Variants in SEMA4D observed in about 807,000 individuals in gnomAD.
The protein encoded by SEMA4D is semaphorin-4D.
Under a neutral mutation model 74.8 loss-of-function variants are expected in SEMA4D, and 22 were observed. The observed-to-expected ratio is 0.29, with a 90% CI of 0.21 to 0.42. The LOEUF (loss-of-function observed/expected upper bound fraction) is 0.42. SEMA4D is among the 10% of genes least tolerant of loss of function. The probability of loss-of-function intolerance (pLI) is 1.00; values close to 1 mark genes in which losing one functional copy is unlikely to be tolerated. For missense variants in SEMA4D, 937 were observed against 1,118.4 expected, an observed-to-expected ratio of 0.84 and a Z score of 2.31; for synonymous variants, 445 against 463.7, an observed-to-expected ratio of 0.96 and a Z score of 0.52.
At chr9:89,398,276 G>C (rs907344146) in intron 5 of SEMA4D, among the ~76,000 whole-genome samples, 2 of 152,130 alleles carry the variant, frequency 1.3e-5, no homozygotes, top group Non-Finnish European at 2.9e-5. Flanking sequence ...GAAGGTGCTG[G>C]ACTAGAGAGA....
chr9:89,388,110 GC>G (rs1281234882), intron 11 of SEMA4D, among the ~76,000 whole-genome samples: 1 of 152,246 alleles, frequency 6.6e-6, no homozygotes, highest in African/African-American at 2.4e-5. Flanking sequence ...GTCAGGGACA[GC>G]TGCCCTTGGG....
exon 19 of SEMA4D, chr9:89,361,031 A>G (rs1832720772): frequency 6.6e-6 from 1 of 152,230 alleles, no homozygotes; most frequent in South Asian, 2.1e-4. Flanking sequence ...GGTTGAAGCC[A>G]CACCCAAAGC....
chr9:89,413,020 G>A (rs1000248106), intron 2 of SEMA4D, among the ~76,000 whole-genome samples: 1 of 152,186 alleles, frequency 6.6e-6, no homozygotes, highest in African/African-American at 2.4e-5. Flanking sequence ...AACAAAAGGA[G>A]AAAAAGGCCA....
chr9:89,362,864 G>A (rs1402385898), intron 18 of SEMA4D, among the ~76,000 whole-genome samples: 2 of 152,186 alleles, frequency 1.3e-5, no homozygotes, highest in African/African-American at 4.8e-5. Flanking sequence ...CTTCTGTATC[G>A]GCTATTTAGG....
At chr9:89,392,146 C>T (rs928662735) in intron 8 of SEMA4D, among the ~76,000 whole-genome samples, 2 of 152,212 alleles carry the variant, frequency 1.3e-5, no homozygotes, top group Non-Finnish European at 2.9e-5. Flanking sequence ...TTACCATCTA[C>T]TATCAGATTC....
At chr9:89,391,232 G>T in intron 9 of SEMA4D, 32 bp downstream of exon 9, 1 of 1,605,982 alleles carries the variant, frequency 6.2e-7, no homozygotes, top group Non-Finnish European at 8.5e-7. Context: ...CCATGGCAGG[G>T]GCCAAGCGAA....
intron 16 of SEMA4D, among the ~76,000 whole-genome samples, chr9:89,370,232 G>A (rs925362686): frequency 6.6e-6 from 1 of 150,634 alleles, no homozygotes; most frequent in Non-Finnish European, 1.5e-5. Flanking sequence ...TTTGTGCTGT[G>A]CATTTATTGT....
chr9:89,363,714 G>A (rs775993112), intron 17 of SEMA4D: 4 of 1,606,618 alleles, frequency 2.5e-6, no homozygotes, highest in South Asian at 2.2e-5. Flanking sequence ...TCATAAAAGG[G>A]TAACAGTGGG....
At chr9:89,369,850 C>T (rs1834261646) in intron 16 of SEMA4D, among the ~76,000 whole-genome samples, 2 of 151,226 alleles carry the variant, frequency 1.3e-5, no homozygotes, top group South Asian at 2.1e-4. Flanking sequence ...TGAGTTGAAA[C>T]GATCCTAAGT....
downstream of SEMA4D, among the ~76,000 whole-genome samples, chr9:89,374,871 G>A (rs1835568693): frequency 6.6e-6 from 1 of 152,152 alleles, no homozygotes; most frequent in Non-Finnish European, 1.5e-5. Flanking sequence ...TGGCCAAGAT[G>A]GCGAAACCCT....
downstream of SEMA4D, among the ~76,000 whole-genome samples, chr9:89,375,694 C>A (rs141172210): frequency 1.6e-3 from 243 of 152,360 alleles, 2 homozygotes; most frequent in African/African-American, 5.4e-3. Context: ...AACACAGGGG[C>A]CACCAGGGCT....
chr9:89,433,898 C>T (rs998120743), intron 2 of SEMA4D, among the ~76,000 whole-genome samples: 2 of 152,202 alleles, frequency 1.3e-5, no homozygotes, highest in African/African-American at 4.8e-5. Flanking sequence ...GCAGCTCCAG[C>T]CAGAGCGCCA....
At chr9:89,436,850 C>A (rs570302545) in intron 2 of SEMA4D, among the ~76,000 whole-genome samples, 111 of 152,346 alleles carry the variant, frequency 7.3e-4, no homozygotes, top group Non-Finnish European at 1.1e-3. Context: ...GCAGGCCTGG[C>A]CACTACTTCA....
At chr9:89,433,780 T>C (rs1022503859) in intron 2 of SEMA4D, among the ~76,000 whole-genome samples, 2 of 152,186 alleles carry the variant, frequency 1.3e-5, no homozygotes, top group South Asian at 2.1e-4. Flanking sequence ...CACAAGAGCA[T>C]GGCCCTAGGT....
At chr9:89,397,203 T>C (rs1479263998) in intron 5 of SEMA4D, among the ~76,000 whole-genome samples, 1 of 152,162 alleles carries the variant, frequency 6.6e-6, no homozygotes, top group African/African-American at 2.4e-5. Flanking sequence ...AGCAAAGATG[T>C]GGTGACTGAA....
At chr9:89,438,526 G>A (rs980684647) in intron 2 of SEMA4D, among the ~76,000 whole-genome samples, 27 of 152,326 alleles carry the variant, frequency 1.8e-4, no homozygotes, top group Middle Eastern at 6.8e-3. Context: ...TGAAAGCTAT[G>A]CCAGTCAAAC....
At chr9:89,407,703 A>G (rs1843612101) in intron 2 of SEMA4D, among the ~76,000 whole-genome samples, 1 of 152,042 alleles carries the variant, frequency 6.6e-6, no homozygotes, top group Admixed American at 6.5e-5. Flanking sequence ...GCCATGGACA[A>G]CCCTACTCTA....
At chr9:89,467,531 A>T (rs28414870) in intron 1 of SEMA4D, among the ~76,000 whole-genome samples, 18,239 of 128,256 alleles carry the variant, frequency 0.14, 1,264 homozygotes, top group Middle Eastern at 0.23. Context: ...GGAGCGCATG[A>T]TTTTTTTTTT....
At chr9:89,388,503 G>A (rs931718083) in intron 11 of SEMA4D, 133 bp downstream of exon 11, 17 of 1,067,998 alleles carry the variant, frequency 1.6e-5, no homozygotes, top group Middle Eastern at 3.1e-4. Context: ...CTCATCGGCC[G>A]TCCCTGTCCC....
Sources: gnomAD v4.1 joint callset for allele counts (sites outside exome capture counted in the v4.1 genomes callset) on GRCh38, gnomAD v4.1.1 for gene constraint, MANE v1.5 for transcripts, NCBI Gene and HGNC (gene_info 2026-07-23, HGNC 2026-07-21) for gene names.